The following CERS3 variants were observed in gnomAD, a reference collection of about 807,000 sequenced individuals.
CERS3 encodes ceramide synthase 3, also known as LAG1 homolog, ceramide synthase 3.
In CERS3, 33 loss-of-function variants were observed where a neutral mutation model predicts 50.3. The observed-to-expected ratio is 0.66, with a 90% CI of 0.50 to 0.88. CERS3 has a LOEUF of 0.88. Ranked by LOEUF, CERS3 falls within the 40% of genes least tolerant of loss-of-function variation. The probability of loss-of-function intolerance (pLI) is 0.00; values close to 1 mark genes in which losing one functional copy is unlikely to be tolerated. For missense variants in CERS3, 470 were observed against 460.3 expected (o/e 1.02, Z -0.19); for synonymous variants, 176 against 155.2 (o/e 1.13, Z -0.99).
chr15:100,438,341 G>A (rs562719397), intron 11 of CERS3, among the ~76,000 whole-genome samples: 9 of 152,018 alleles, frequency 5.9e-5, no homozygotes, highest in Non-Finnish European at 1.2e-4. Context: ...CACTGTGCCC[G>A]GCCTGTATTC....
rs371215124 is a variant in CERS3 at position 100,423,099 on chromosome 15, T to TAAA, written c.1000-20235_1000-20234insTTT. On this transcript the variant is annotated intron_variant, in intron 11 of 11. Transcript: ENST00000679737. ...CTTAAAGTATAATAAAAAAAAAATGTTAAAAAAAAAAGAAAATAACAGATT... is the reference window on the plus strand; with the variant it reads ...CTTAAAGTATAATAAAAAAAAAATGTAAATAAAAAAAAAAGAAAATAACAGATT... 9.9e-4 allele frequency among the ~76,000 whole-genome samples: 147 copies of TAAA among 148,894 alleles called. No homozygotes were observed. In the South Asian group the frequency reaches 0.012, roughly 12 times the overall value.
chr15:100,440,085 T>A (rs1213007491), intron 11 of CERS3, among the ~76,000 whole-genome samples: 1 of 152,218 alleles, frequency 6.6e-6, no homozygotes, highest in African/African-American at 2.4e-5. Flanking sequence ...AAGGGAACCG[T>A]TTCTCCATGG....
At chr15:100,418,805 C>T (rs965868678) in intron 11 of CERS3, among the ~76,000 whole-genome samples, 1 of 146,266 alleles carries the variant, frequency 6.8e-6, no homozygotes, top group Non-Finnish European at 1.5e-5. Flanking sequence ...GAATTTTCAA[C>T]CCAGAATTTC....
chr15:100,508,394 C>T (rs1052054883), intron 2 of CERS3, among the ~76,000 whole-genome samples: 9 of 152,256 alleles, frequency 5.9e-5, no homozygotes, highest in Middle Eastern at 3.4e-3. Context: ...TGAAAAAAAA[C>T]ATATCACCTA....
chr15:100,508,298 C>G (rs1315324495), intron 2 of CERS3, among the ~76,000 whole-genome samples: 1 of 152,110 alleles, frequency 6.6e-6, no homozygotes, highest in African/African-American at 2.4e-5. Flanking sequence ...GATAATGACA[C>G]TCTTAGTTAC....
intron 9 of CERS3, among the ~76,000 whole-genome samples, chr15:100,471,637 C>T (rs2034972311): frequency 1.3e-5 from 2 of 152,084 alleles, no homozygotes; most frequent in African/African-American, 2.4e-5. Flanking sequence ...ATTACACCAG[C>T]GAGGGCTGCA....
chr15:100,482,372 C>T (rs2035331524), intron 5 of CERS3, among the ~76,000 whole-genome samples: 1 of 152,092 alleles, frequency 6.6e-6, no homozygotes, highest in African/African-American at 2.4e-5. Context: ...GTGAGAGACA[C>T]TGCTGGGGCC....
intron 11 of CERS3, among the ~76,000 whole-genome samples, chr15:100,405,918 G>A (rs1430832449): frequency 1.3e-5 from 2 of 152,234 alleles, no homozygotes. Flanking sequence ...TACTACTCAT[G>A]TGGGCATTTT....
At chr15:100,465,741 C>A (rs909289430) in intron 10 of CERS3, among the ~76,000 whole-genome samples, 1 of 151,950 alleles carries the variant, frequency 6.6e-6, no homozygotes, top group Non-Finnish European at 1.5e-5. Flanking sequence ...TCACTGCAAC[C>A]TCCACTTCCC....
At chr15:100,520,385 A>AGG (rs2036607638) in intron 2 of CERS3, among the ~76,000 whole-genome samples, 4 of 152,260 alleles carry the variant, frequency 2.6e-5, no homozygotes, top group Non-Finnish European at 2.9e-5. Context: ...CTGAACCTCC[A>AGG]GAATTCCTGT....
At chr15:100,427,832 C>T (rs564463397) in intron 11 of CERS3, among the ~76,000 whole-genome samples, 57 of 152,324 alleles carry the variant, frequency 3.7e-4, no homozygotes, top group Non-Finnish European at 7.5e-4. Flanking sequence ...TTCTGTGCTT[C>T]CTGCCGAGAG....
intron 2 of CERS3, among the ~76,000 whole-genome samples, chr15:100,503,429 G>C (rs1009918217): frequency 6.6e-6 from 1 of 152,340 alleles, no homozygotes; most frequent in South Asian, 2.1e-4. Context: ...GGGACAAGCA[G>C]GCTAGGCCTT....
chr15:100,440,499 C>T (rs190068584), intron 11 of CERS3, among the ~76,000 whole-genome samples: 59 of 152,334 alleles, frequency 3.9e-4, no homozygotes, highest in African/African-American at 1.3e-3. Context: ...CCCTATCTCC[C>T]TTCACTGACT....
At chr15:100,429,706 G>T (rs2033014498) in intron 11 of CERS3, among the ~76,000 whole-genome samples, 1 of 152,050 alleles carries the variant, frequency 6.6e-6, no homozygotes, top group Admixed American at 6.6e-5. Context: ...CCATCCTTCA[G>T]TTGATCCTCA....
chr15:100,490,874 A>T lies in CERS3; in HGVS notation c.231T>A (p.Val77=). 6.2e-7 allele frequency: 1 copy of T among 1,612,306 alleles called. No individual in the cohort carries two copies. Among genetic ancestry groups the T allele is most frequent in the Non-Finnish European group, 8.5e-7 (1 of 1,179,154 alleles). Residue 77 remains valine (V), a synonymous_variant, in exon 4 of 12, where the codon GTT becomes GTA. Transcript: ENST00000679737. The stretch of plus-strand genomic sequence containing the variant: ...AATTCTCTAAGACAGTATTTGGTGT[A>T]ACCTTTCGAACTGTCTCTTTAATGC... ...SFGIKETVRK[V]TPNTVLENFF...
intron 2 of CERS3, among the ~76,000 whole-genome samples, chr15:100,510,838 A>G (rs765749920): frequency 3.9e-5 from 6 of 152,254 alleles, no homozygotes; most frequent in Non-Finnish European, 5.9e-5. Flanking sequence ...ATGAATTTCT[A>G]TCTTAGTCAT....
chr15:100,470,450 G>A (rs1231037089), intron 9 of CERS3, among the ~76,000 whole-genome samples: 2 of 152,210 alleles, frequency 1.3e-5, no homozygotes, highest in African/African-American at 4.8e-5. Flanking sequence ...AGCTTCAGTT[G>A]CTGACATAGA....
intron 11 of CERS3, among the ~76,000 whole-genome samples, chr15:100,448,218 C>T (rs576068112): frequency 1.2e-4 from 18 of 152,246 alleles, no homozygotes; most frequent in African/African-American, 3.4e-4. Context: ...CTAGAGGCAT[C>T]GGGTACATGC....
chr15:100,540,371 T>C (rs764680031), intron 1 of CERS3, among the ~76,000 whole-genome samples: 8 of 152,150 alleles, frequency 5.3e-5, no homozygotes, highest in Non-Finnish European at 1.2e-4. Context: ...GGCAAAACCC[T>C]GTCTCTACTG....
Sources: gnomAD v4.1 joint callset for allele counts (sites outside exome capture counted in the v4.1 genomes callset) on GRCh38, gnomAD v4.1.1 for gene constraint, MANE v1.5 for transcripts, NCBI Gene and HGNC (gene_info 2026-07-23, HGNC 2026-07-21) for gene names.